MYO9A: variants seen among roughly 807,000 people sequenced by gnomAD.
MYO9A encodes the protein myosin IXA.
A neutral mutation model predicts 293.3 loss-of-function variants in MYO9A; 103 were observed. The ratio of observed to expected loss-of-function variants is 0.35; its 90% CI spans 0.30 to 0.41. The LOEUF (loss-of-function observed/expected upper bound fraction) is 0.41, where lower values mean the gene tolerates loss of function less well. Ranked by LOEUF, MYO9A falls within the 10% of genes least tolerant of loss-of-function variation. MYO9A has a pLI of 1.00. For missense variants in MYO9A, 2,685 were observed against 3,033.0 expected, an observed-to-expected ratio of 0.89 and a Z score of 2.69; for synonymous variants, 1,001 against 1,035.7, an observed-to-expected ratio of 0.97 and a Z score of 0.64.
rs975162154 is a variant in MYO9A, at chr15:71,937,904, C to T, written c.2378+948G>A. Among the ~76,000 whole-genome samples, 8 of 152,004 alleles carry T rather than the reference C, an allele frequency of 5.3e-5. No homozygotes were observed. In the East Asian group the frequency reaches 1.3e-3, roughly 26 times the overall value. ...CAAGGTTAACTATCTAATTTGTGTT[C>T]GGGTAAAATTTAACATGCAAATATG... On this transcript the variant is annotated intron_variant, in intron 16 of 41. Transcript: ENST00000356056.
intron 1 of MYO9A, among the ~76,000 whole-genome samples, chr15:72,107,951 G>A (rs1349729371): frequency 3.9e-5 from 6 of 152,056 alleles, no homozygotes; most frequent in Admixed American, 1.3e-4. Context: ...TCTTTTAATA[G>A]GAACTGTTGT....
At chr15:71,842,762 A>T (rs988777533) in intron 39 of MYO9A, among the ~76,000 whole-genome samples, 1 of 151,780 alleles carries the variant, frequency 6.6e-6, no homozygotes, top group Non-Finnish European at 1.5e-5. Context: ...TGGGAGGCTC[A>T]GACAGGAGAA....
At chr15:72,079,419 A>T (rs2079471245) in intron 1 of MYO9A, among the ~76,000 whole-genome samples, 1 of 152,186 alleles carries the variant, frequency 6.6e-6, no homozygotes, top group Admixed American at 6.5e-5. Flanking sequence ...GTAAATTAAA[A>T]CTTAATTTTT....
In MYO9A at chr15:72,010,359, G is replaced by T; in HGVS notation, c.1244C>A (p.Thr415Lys). 6.2e-7 allele frequency: 1 copy of T among 1,613,044 alleles called. No individual in the cohort carries two copies. The highest frequency in any genetic ancestry group is 8.5e-7 in the Non-Finnish European group (1 of 1,179,230). Residue 415 changes from threonine to lysine, a missense_variant, in exon 7 of 42, where the codon ACA (threonine) becomes AAA (lysine). Transcript: ENST00000356056. ...AMEMVGFLPK[T>K]RRQIFSLLSA... ...CAACAAGTAAACTCACTGTCTTCGT[G>T]TCTTGGGAAGAAATCCTACCATTTC...
At chr15:71,936,802 T>TA (rs1344715334) in intron 16 of MYO9A, among the ~76,000 whole-genome samples, 2 of 151,708 alleles carry the variant, frequency 1.3e-5, no homozygotes, top group South Asian at 2.1e-4. Flanking sequence ...GCTAAACCAT[T>TA]AAAAAAAAGT....
At chr15:71,993,373 T>G (rs2076596596) in intron 10 of MYO9A, among the ~76,000 whole-genome samples, 1 of 149,956 alleles carries the variant, frequency 6.7e-6, no homozygotes. Context: ...AAATTTAAAA[T>G]AAAATAAAAA....
At chr15:71,947,270 G>A (rs1370575648) in intron 15 of MYO9A, among the ~76,000 whole-genome samples, 8 of 127,880 alleles carry the variant, frequency 6.3e-5, no homozygotes, top group Admixed American at 6.1e-4. Flanking sequence ...TGACAAGCCA[G>A]ACTCCATCTC....
chr15:71,957,689 T>C (rs1319578574), intron 14 of MYO9A, among the ~76,000 whole-genome samples: 1 of 152,086 alleles, frequency 6.6e-6, no homozygotes, highest in East Asian at 1.9e-4. Context: ...GTCTATTGAG[T>C]GGGATGAAGA....
At chr15:72,054,905 A>G (rs2078677015) in intron 1 of MYO9A, among the ~76,000 whole-genome samples, 1 of 151,984 alleles carries the variant, frequency 6.6e-6, no homozygotes, top group South Asian at 2.1e-4. Context: ...AAAGGAAAAA[A>G]AAAGGACACT....
intron 37 of MYO9A, 88 bp from the exon 38 acceptor site, chr15:71,850,255 AAG>A: frequency 6.8e-7 from 1 of 1,478,932 alleles, no homozygotes; most frequent in Non-Finnish European, 9.4e-7. Flanking sequence ...TGAGCAAAAG[AAG>A]ACAGTATGAC....
chr15:72,115,781 T>A (rs939959728), intron 1 of MYO9A, among the ~76,000 whole-genome samples: 4 of 152,242 alleles, frequency 2.6e-5, no homozygotes, highest in Non-Finnish European at 5.9e-5. Flanking sequence ...GTTACATCCT[T>A]TCTGTAGGTT....
chr15:71,916,549 A>C, intron 18 of MYO9A, 57 bp from the exon 19 acceptor site: 1 of 1,536,312 alleles, frequency 6.5e-7, no homozygotes, highest in Non-Finnish European at 8.8e-7. Flanking sequence ...ATAAGCCAAA[A>C]TTCTCAGCCA....
chr15:72,042,059 G>A (rs970737550), intron 2 of MYO9A, among the ~76,000 whole-genome samples: 25 of 147,182 alleles, frequency 1.7e-4, no homozygotes, highest in African/African-American at 6.0e-4. Context: ...CCAAAAATAC[G>A]AGGAGAAAAG....
At chr15:71,950,883 A>G (rs1229003848) in intron 15 of MYO9A, among the ~76,000 whole-genome samples, 1 of 152,220 alleles carries the variant, frequency 6.6e-6, no homozygotes, top group Non-Finnish European at 1.5e-5. Flanking sequence ...TAGGTCCATT[A>G]TACGCAAATT....
chr15:71,892,832 G>T (rs1596123442), intron 26 of MYO9A: 1 of 444,764 alleles, frequency 2.2e-6, no homozygotes, highest in Non-Finnish European at 3.5e-6. Flanking sequence ...GTTTAGCTTA[G>T]TTGCTGTGTT....
intron 14 of MYO9A, among the ~76,000 whole-genome samples, chr15:71,956,296 C>A (rs1168713065): frequency 2.9e-5 from 3 of 104,980 alleles, no homozygotes; most frequent in African/African-American, 7.9e-5. Context: ...TGCAACACAG[C>A]GAAACCCGGC....
At chr15:71,879,236 C>T (rs2056797496) in intron 30 of MYO9A, among the ~76,000 whole-genome samples, 1 of 152,144 alleles carries the variant, frequency 6.6e-6, no homozygotes, top group African/African-American at 2.4e-5. Flanking sequence ...TTTTCTAAAA[C>T]ATGACCAGTA....
intron 1 of MYO9A, among the ~76,000 whole-genome samples, chr15:72,051,448 G>A (rs2078560919): frequency 6.6e-6 from 1 of 152,052 alleles, no homozygotes; most frequent in African/African-American, 2.4e-5. Flanking sequence ...TTGGGGGATG[G>A]GAGCAGGCAG....
intron 14 of MYO9A, among the ~76,000 whole-genome samples, chr15:71,956,679 ATATC>A (rs917819415): frequency 2.7e-5 from 4 of 150,544 alleles, no homozygotes; most frequent in African/African-American, 9.7e-5. Context: ...ATCTATCTAT[ATATC>A]TCTCTTATAT....
Sources: gnomAD v4.1 joint callset for allele counts (sites outside exome capture counted in the v4.1 genomes callset) on GRCh38, gnomAD v4.1.1 for gene constraint, MANE v1.5 for transcripts, NCBI Gene and HGNC (gene_info 2026-07-23, HGNC 2026-07-21) for gene names.